Variants in NRXN1 observed in about 807,000 individuals in gnomAD.
NRXN1 encodes the protein neurexin-1.
NRXN1 carries 39 observed loss-of-function variants against 150.9 expected under a neutral mutation model. The ratio of observed to expected loss-of-function variants is 0.26; its 90% CI spans 0.20 to 0.34. The LOEUF (loss-of-function observed/expected upper bound fraction) is 0.34. Ranked by LOEUF, NRXN1 falls within the 10% of genes least tolerant of loss-of-function variation. The pLI, the probability that NRXN1 is intolerant of heterozygous loss-of-function variation, is 1.00. For synonymous variants in NRXN1, 924 were observed against 757.0 expected (o/e 1.22, Z -3.62); for missense variants, 1,815 against 1,949.9 (o/e 0.93, Z 1.30).
At chr2:50,378,018 A>G (rs147939934) in intron 17 of NRXN1, among the ~76,000 whole-genome samples, 2 of 152,296 alleles carry the variant, frequency 1.3e-5, no homozygotes, top group African/African-American at 4.8e-5. Context: ...GGCATCTGCC[A>G]AGAATCATGG....
chr2:50,821,550 G>T (rs1050208894), intron 5 of NRXN1, among the ~76,000 whole-genome samples: 1 of 152,164 alleles, frequency 6.6e-6, no homozygotes, highest in Non-Finnish European at 1.5e-5. Context: ...AGCTAAGAAG[G>T]ATGCTTGACA....
intron 15 of NRXN1, among the ~76,000 whole-genome samples, chr2:50,481,826 C>T (rs1187625530): frequency 8.8e-6 from 1 of 113,334 alleles, no homozygotes; most frequent in Non-Finnish European, 1.6e-5. Context: ...AGTGCAGTGG[C>T]GGGATCTCGG....
At chr2:50,642,574 G>T (rs1050544077) in intron 5 of NRXN1, among the ~76,000 whole-genome samples, 4 of 151,866 alleles carry the variant, frequency 2.6e-5, no homozygotes, top group Non-Finnish European at 5.9e-5. Flanking sequence ...AAAAGAAAAA[G>T]GAATTCCTTA....
At chr2:49,999,385 C>A (rs1683533218) in intron 21 of NRXN1, among the ~76,000 whole-genome samples, 1 of 152,072 alleles carries the variant, frequency 6.6e-6, no homozygotes, top group Admixed American at 6.6e-5. Context: ...TTCTTCCTCT[C>A]TTATGGAATT....
chr2:50,631,817 T>A (rs1682372866), intron 5 of NRXN1, among the ~76,000 whole-genome samples: 5 of 151,852 alleles, frequency 3.3e-5, no homozygotes, highest in Admixed American at 3.3e-4. Flanking sequence ...CTGGAATTCA[T>A]TAGGTGTGCA....
chr2:50,371,900 A>C (rs938469487), intron 17 of NRXN1, among the ~76,000 whole-genome samples: 3 of 152,034 alleles, frequency 2.0e-5, no homozygotes, highest in Admixed American at 1.3e-4. Context: ...CTTGTATCTT[A>C]AGATAATTGA....
chr2:50,144,785 T>C (rs557703478), intron 18 of NRXN1, among the ~76,000 whole-genome samples: 2 of 151,892 alleles, frequency 1.3e-5, no homozygotes, highest in South Asian at 4.1e-4. Flanking sequence ...AAAATCATAT[T>C]GGACGAGTTG....
At chr2:51,017,221 T>TCTGCCC (rs1668818025) in intron 2 of NRXN1, among the ~76,000 whole-genome samples, 1 of 152,110 alleles carries the variant, frequency 6.6e-6, no homozygotes, top group East Asian at 1.9e-4. Flanking sequence ...ACCTACGTGC[T>TCTGCCC]CTGCCCGTGT....
intron 21 of NRXN1, among the ~76,000 whole-genome samples, chr2:49,961,898 A>G (rs1676025560): frequency 6.6e-6 from 1 of 152,126 alleles, no homozygotes; most frequent in African/African-American, 2.4e-5. Context: ...CATTTTATCA[A>G]TGGTAATTAA....
chr2:50,389,336 A>G (rs548095748), intron 17 of NRXN1, among the ~76,000 whole-genome samples: 1 of 150,410 alleles, frequency 6.6e-6, no homozygotes, highest in Admixed American at 6.7e-5. Context: ...TATGAACACC[A>G]TTTAGTCCAA....
At position 49,921,935 on chromosome 2, in the gene NRXN1, ATC is replaced by A; in HGVS notation, c.*7_*8del. The stretch of plus-strand genomic sequence containing the variant: ...ATTTCTATACAAGTGTCCATTTAAG[ATC>A]TTGGGATCAGACATAATACTCTTTA... On this transcript the variant is annotated 3_prime_UTR_variant, in exon 23 of 23. Coordinates refer to ENST00000401669, the MANE Select transcript of NRXN1 (RefSeq NM_001330078.2). The A allele has an allele frequency of 6.2e-7, 1 of 1,613,206 alleles. No homozygotes were observed. The highest frequency in any genetic ancestry group is 8.5e-7 in the Non-Finnish European group (1 of 1,179,194).
At chr2:50,730,911 C>G (rs1698022816) in intron 5 of NRXN1, among the ~76,000 whole-genome samples, 1 of 152,010 alleles carries the variant, frequency 6.6e-6, no homozygotes, top group East Asian at 1.9e-4. Context: ...CTGACCTTGT[C>G]ATCCGCCTGC....
chr2:50,977,689 G>A (rs1380016631), intron 2 of NRXN1, among the ~76,000 whole-genome samples: 1 of 151,800 alleles, frequency 6.6e-6, no homozygotes, highest in Non-Finnish European at 1.5e-5. Flanking sequence ...GTCAGAGTAT[G>A]GAATTTATCT....
intron 5 of NRXN1, among the ~76,000 whole-genome samples, chr2:50,826,236 G>A (rs545599609): frequency 1.3e-5 from 2 of 152,122 alleles, no homozygotes; most frequent in East Asian, 1.9e-4. Context: ...TGAGCTGAGA[G>A]TGAAATGACA....
At chr2:50,739,282 G>A (rs751833380) in intron 5 of NRXN1, 7 of 496,512 alleles carry the variant, frequency 1.4e-5, no homozygotes, top group South Asian at 1.0e-4. Context: ...TAAAAAGTAT[G>A]TATTAATATT....
chr2:49,922,925 G>A (rs1302343738), intron 22 of NRXN1, among the ~76,000 whole-genome samples: 2 of 152,246 alleles, frequency 1.3e-5, no homozygotes, highest in East Asian at 1.9e-4. Context: ...GGAGGAGAAA[G>A]TAATAAAATA....
At chr2:50,070,444 T>G (rs932196820) in intron 19 of NRXN1, among the ~76,000 whole-genome samples, 2 of 152,134 alleles carry the variant, frequency 1.3e-5, no homozygotes, top group Non-Finnish European at 2.9e-5. Flanking sequence ...TGAGAGTTCC[T>G]TTCCAATCAA....
At chr2:50,372,157 A>G (rs938504309) in intron 17 of NRXN1, among the ~76,000 whole-genome samples, 1 of 151,970 alleles carries the variant, frequency 6.6e-6, no homozygotes, top group Non-Finnish European at 1.5e-5. Flanking sequence ...ACCACTCTAG[A>G]CTCAAACTTA....
At chr2:50,173,329 T>G (rs111393852) in intron 18 of NRXN1, among the ~76,000 whole-genome samples, 1 of 152,196 alleles carries the variant, frequency 6.6e-6, no homozygotes, top group African/African-American at 2.4e-5. Context: ...ATTATTATTG[T>G]TCCTAGTTCA....
Sources: gnomAD v4.1 joint callset for allele counts (sites outside exome capture counted in the v4.1 genomes callset) on GRCh38, gnomAD v4.1.1 for gene constraint, MANE v1.5 for transcripts, NCBI Gene and HGNC (gene_info 2026-07-23, HGNC 2026-07-21) for gene names.